LIPI: variants seen among roughly 807,000 people sequenced by gnomAD.
The protein encoded by LIPI is lipase member I.
LIPI carries 59 observed loss-of-function variants against 50.6 expected under a neutral mutation model. The observed-to-expected ratio is 1.16, with a 90% CI of 0.94 to 1.45. The LOEUF is 1.45. Ranked by LOEUF, LIPI falls within the 40% of genes most tolerant of loss-of-function variation. The pLI is 0.00. For synonymous variants in LIPI, 203 were observed against 178.2 expected, an observed-to-expected ratio of 1.14 and a Z score of -1.11; for missense variants, 586 against 536.3, an observed-to-expected ratio of 1.09 and a Z score of -0.92.
intron 1 of LIPI, among the ~76,000 whole-genome samples, chr21:14,191,370 C>T (rs1468868462): frequency 1.7e-5 from 2 of 120,712 alleles, no homozygotes; most frequent in Non-Finnish European, 3.5e-5. Context: ...GAGCAAGACT[C>T]CGTCTCAAAA....
intron 7 of LIPI, among the ~76,000 whole-genome samples, chr21:14,153,686 A>T (rs1008265882): frequency 6.6e-6 from 1 of 152,162 alleles, no homozygotes; most frequent in Non-Finnish European, 1.5e-5. Flanking sequence ...TAGCATGAAG[A>T]TGGAGGCTGA....
intron 9 of LIPI, among the ~76,000 whole-genome samples, chr21:14,136,609 G>C (rs905830274): frequency 6.6e-6 from 1 of 152,284 alleles, no homozygotes; most frequent in African/African-American, 2.4e-5. Context: ...CCCCTGGATA[G>C]TACTTCTGGA....
chr21:14,207,794 G>A (rs1237393349), intron 1 of LIPI, among the ~76,000 whole-genome samples: 3 of 151,956 alleles, frequency 2.0e-5, no homozygotes, highest in Non-Finnish European at 4.4e-5. Context: ...AAATGAACAC[G>A]GAAAAAAACA....
At chr21:14,116,278 A>G (rs1394967776) in intron 9 of LIPI, among the ~76,000 whole-genome samples, 1 of 151,634 alleles carries the variant, frequency 6.6e-6, no homozygotes, top group African/African-American at 2.4e-5. Flanking sequence ...CTTAGTGCAG[A>G]CTGTGTCCTC....
At chr21:14,183,506 A>G (rs1392971937) in intron 3 of LIPI, among the ~76,000 whole-genome samples, 1 of 152,216 alleles carries the variant, frequency 6.6e-6, no homozygotes, top group Non-Finnish European at 1.5e-5. Context: ...GCTTCTGCAC[A>G]GCAAAAGAAA....
At chr21:14,169,984 A>C (rs2018834050) in intron 4 of LIPI, among the ~76,000 whole-genome samples, 1 of 152,174 alleles carries the variant, frequency 6.6e-6, no homozygotes, top group African/African-American at 2.4e-5. Flanking sequence ...AATAAAGAAG[A>C]AAAGAGAGAA....
At chr21:14,115,104 C>A (rs776017546) in intron 9 of LIPI, among the ~76,000 whole-genome samples, 3 of 152,040 alleles carry the variant, frequency 2.0e-5, no homozygotes, top group African/African-American at 7.2e-5. Flanking sequence ...AACCTCCGCA[C>A]CCCGCTCCCC....
At chr21:14,154,614 T>C (rs1191707214) in intron 7 of LIPI, among the ~76,000 whole-genome samples, 1 of 151,980 alleles carries the variant, frequency 6.6e-6, no homozygotes, top group African/African-American at 2.4e-5. Flanking sequence ...ATATTGAAGA[T>C]AGAAAAGAAG....
At chr21:14,174,260 C>T (rs2019017401) in intron 4 of LIPI, among the ~76,000 whole-genome samples, 1 of 152,170 alleles carries the variant, frequency 6.6e-6, no homozygotes, top group Non-Finnish European at 1.5e-5. Flanking sequence ...GCTTGGTCTG[C>T]TTAGATCATT....
At chr21:14,163,303 TG>T in intron 7 of LIPI, 115 bp downstream of exon 7, 1 of 618,034 alleles carries the variant, frequency 1.6e-6, no homozygotes. Flanking sequence ...ATTTTAAATT[TG>T]CCTGAAAGAA....
chr21:14,195,753 T>C (rs569567354), intron 1 of LIPI, among the ~76,000 whole-genome samples: 4 of 152,264 alleles, frequency 2.6e-5, no homozygotes, highest in Admixed American at 1.3e-4. Context: ...AACATGTATA[T>C]GTATTATAAT....
chr21:14,170,929 C>A (rs564402448), intron 4 of LIPI, among the ~76,000 whole-genome samples: 20,639 of 150,922 alleles, frequency 0.14, 1,846 homozygotes, highest in Non-Finnish European at 0.2. Context: ...CAAATTGTAC[C>A]TGTTTGCAGA....
At chr21:14,146,763 C>A (rs975770344) in intron 8 of LIPI, among the ~76,000 whole-genome samples, 2 of 136,798 alleles carry the variant, frequency 1.5e-5, no homozygotes, top group African/African-American at 6.0e-5. Context: ...TCTTACTTTC[C>A]CAGTCTCTAT....
intron 3 of LIPI, among the ~76,000 whole-genome samples, chr21:14,183,105 T>A (rs1006119172): frequency 6.6e-6 from 1 of 152,168 alleles, no homozygotes; most frequent in Non-Finnish European, 1.5e-5. Context: ...CAAAACAGCA[T>A]GGTACTGGTA....
intron 4 of LIPI, among the ~76,000 whole-genome samples, chr21:14,170,298 G>A (rs8128007): frequency 0.25 from 38,377 of 152,024 alleles, 5,171 homozygotes; most frequent in Middle Eastern, 0.34. Flanking sequence ...AGGAGGAACC[G>A]GTACCATTCC....
intron 1 of LIPI, among the ~76,000 whole-genome samples, chr21:14,201,150 C>A (rs528335159): frequency 6.6e-6 from 1 of 151,990 alleles, no homozygotes; most frequent in African/African-American, 2.4e-5. Flanking sequence ...CCCAACACTA[C>A]AAAAGCCCTG....
intron 1 of LIPI, among the ~76,000 whole-genome samples, chr21:14,209,646 G>A (rs753223999): frequency 1.4e-4 from 22 of 151,974 alleles, no homozygotes; most frequent in Admixed American, 2.6e-4. Flanking sequence ...AACATACAAA[G>A]CAATTATGTT....
intron 1 of LIPI, among the ~76,000 whole-genome samples, chr21:14,192,859 G>C (rs1401443176): frequency 6.6e-6 from 1 of 152,064 alleles, no homozygotes; most frequent in African/African-American, 2.4e-5. Context: ...AAATGTTAAT[G>C]CAAGTCCTTC....
intron 9 of LIPI, among the ~76,000 whole-genome samples, chr21:14,113,456 G>T (rs2016494254): frequency 6.6e-6 from 1 of 152,132 alleles, no homozygotes. Flanking sequence ...AAAAATCAGT[G>T]AACTTGATAA....
Sources: allele counts gnomAD v4.1 joint callset (sites outside exome capture counted in the v4.1 genomes callset), GRCh38; gene constraint gnomAD v4.1.1; transcripts MANE v1.5; gene names NCBI Gene and HGNC (gene_info 2026-07-23, HGNC 2026-07-21).